PCBP3: variants seen among roughly 807,000 people sequenced by gnomAD.
The protein encoded by PCBP3 is poly(rC)-binding protein 3.
In PCBP3, 25 loss-of-function variants were observed where a neutral mutation model predicts 52.7. That is an observed-to-expected ratio of 0.47 (90% confidence interval 0.35 to 0.66). The LOEUF (loss-of-function observed/expected upper bound fraction) is 0.66, where lower values mean the gene tolerates loss of function less well. PCBP3 is among the 30% of genes least tolerant of loss of function. The pLI is 0.01. For missense variants in PCBP3, 391 were observed against 490.3 expected (o/e 0.80, Z 1.91); for synonymous variants, 162 against 183.0 (o/e 0.89, Z 0.93).
intron 2 of PCBP3, among the ~76,000 whole-genome samples, chr21:45,716,804 T>G (rs1375858951): frequency 1.3e-5 from 2 of 152,310 alleles, no homozygotes; most frequent in African/African-American, 4.8e-5. Flanking sequence ...GTGAGTCTTC[T>G]GACTTTGTTT....
At chr21:45,795,252 T>C (rs1459304438) in intron 4 of PCBP3, among the ~76,000 whole-genome samples, 4 of 151,594 alleles carry the variant, frequency 2.6e-5, no homozygotes, top group African/African-American at 9.7e-5. Context: ...GGAATTTGAA[T>C]AGCATTCATA....
intron 4 of PCBP3, among the ~76,000 whole-genome samples, chr21:45,790,171 G>A (rs528004535): frequency 6.6e-6 from 1 of 152,100 alleles, no homozygotes. Context: ...TCTCTCAGGG[G>A]ATCCAGTGGG....
intron 13 of PCBP3, 98 bp from the exon 14 acceptor site, chr21:45,929,815 TTCTA>T (rs996193098): frequency 1.3e-5 from 11 of 856,924 alleles, no homozygotes; most frequent in Non-Finnish European, 2.2e-5. Context: ...ATGGCCCTCT[TTCTA>T]TCTATCTGTG....
chr21:45,731,463 C>T (rs60915172), intron 2 of PCBP3, among the ~76,000 whole-genome samples: 3 of 152,218 alleles, frequency 2.0e-5, no homozygotes, highest in East Asian at 1.9e-4. Context: ...CTTCTCTGGG[C>T]GGAGTTTTTA....
intron 13 of PCBP3, among the ~76,000 whole-genome samples, chr21:45,921,915 G>A (rs993399090): frequency 5.9e-5 from 9 of 152,184 alleles, no homozygotes; most frequent in African/African-American, 2.2e-4. Flanking sequence ...CCTCCTCGAG[G>A]CTTACTGTGC....
In PCBP3 at chr21:45,829,082, G is replaced by A. The variant is rs180949466; in HGVS notation, c.-125-20879G>A. ...TGGAAAGAGCTAGTGTAGGAGCTGGGACAGGGATGGAAGGGCCATTGGCCG... is the reference window on the plus strand; with the variant it reads ...TGGAAAGAGCTAGTGTAGGAGCTGGAACAGGGATGGAAGGGCCATTGGCCG... On this transcript the variant is annotated intron_variant, in intron 4 of 17. Transcript: ENST00000681687. The surrounding 1 kb of genome is among the most constrained non-coding windows in gnomAD (Gnocchi z 5.2). The A allele has an allele frequency of 4.5e-4, 68 of 152,516 alleles. No individual in the cohort carries two copies. The highest frequency in any genetic ancestry group is 1.6e-3 in the African/African-American group (67 of 41,578). 9.4% of individuals were successfully genotyped at this position (152,516 alleles called of 1,614,324 possible).
At chr21:45,766,434 G>GCA (rs2089330148) in intron 4 of PCBP3, among the ~76,000 whole-genome samples, 7 of 152,172 alleles carry the variant, frequency 4.6e-5, no homozygotes, top group African/African-American at 1.7e-4. Flanking sequence ...TGCGAGAGCT[G>GCA]TCTCTCTCTC....
chr21:45,658,321 T>C (rs1441329196), intron 1 of PCBP3, among the ~76,000 whole-genome samples: 2 of 152,214 alleles, frequency 1.3e-5, no homozygotes, highest in East Asian at 1.9e-4. Flanking sequence ...GAGGATTTTT[T>C]GAGATGGAGT....
At chr21:45,692,404 AAAAG>A (rs2082538841) in intron 2 of PCBP3, among the ~76,000 whole-genome samples, 1 of 152,144 alleles carries the variant, frequency 6.6e-6, no homozygotes, top group South Asian at 2.1e-4. Flanking sequence ...GATAAAAAAA[AAAAG>A]AAGGCACAAA....
At chr21:45,804,721 T>C (rs2839001) in intron 4 of PCBP3, among the ~76,000 whole-genome samples, 38,852 of 151,906 alleles carry the variant, frequency 0.26, 5,143 homozygotes, top group Middle Eastern at 0.42. Context: ...ACTTGGGTTG[T>C]AGTGTTGGCC....
At position 45,682,983 on chromosome 21, in the gene PCBP3, G is replaced by C. The variant is rs1203008746; in HGVS notation, c.-200+14031G>C. ...AAGAGTACCAAGAACCTAACCCTGG[G>C]TTTTCCAGTGAGGCCTGGGATAGGG... On this transcript the variant is annotated intron_variant, in intron 2 of 17. Transcript: ENST00000681687. Among the ~76,000 whole-genome samples the C allele has an allele frequency of 3.3e-5, 5 of 152,218 alleles. No homozygotes were observed. The East Asian group carries it at 5.8e-4, about 18-fold the overall frequency.
intron 2 of PCBP3, among the ~76,000 whole-genome samples, chr21:45,694,898 C>CTAAAA (rs1473213498): frequency 6.6e-6 from 1 of 152,144 alleles, no homozygotes; most frequent in African/African-American, 2.4e-5. Context: ...CTCTTTGAAA[C>CTAAAA]TAAAACACCA....
chr21:45,896,426 C>G (rs528614711), intron 6 of PCBP3, 64 bp downstream of exon 6: 1 of 1,448,840 alleles, frequency 6.9e-7, no homozygotes, highest in African/African-American at 1.4e-5. Flanking sequence ...CAGAGATGCA[C>G]TGCCCGGGCC....
chr21:45,707,914 A>G (rs1696625161), intron 2 of PCBP3, among the ~76,000 whole-genome samples: 1 of 152,212 alleles, frequency 6.6e-6, no homozygotes, highest in African/African-American at 2.4e-5. Flanking sequence ...TTGACTGCAC[A>G]TGTAGCCCCA....
rs773448857 is a variant in PCBP3 at position 45,724,306 on chromosome 21, C to T, written c.-199-11086C>T. On this transcript the variant is annotated intron_variant, in intron 2 of 17. Coordinates refer to ENST00000681687, the MANE Select transcript of PCBP3 (RefSeq NM_001384156.1). The surrounding 1 kb of genome is among the most constrained non-coding windows in gnomAD (Gnocchi z 5.3). The stretch of plus-strand genomic sequence containing the variant: ...AGGGGTGTCCAGCTGTGACCCACCC[C>T]GCCCCCTCCCGGTGTTACCCTGAGT... Among the ~76,000 whole-genome samples the T allele has an allele frequency of 1.4e-4, 21 of 152,192 alleles. No individual in the cohort carries two copies. Among genetic ancestry groups the T allele is most frequent in the Admixed American group, 1.0e-3 (16 of 15,284 alleles).
At chr21:45,806,019 A>G (rs931757148) in intron 4 of PCBP3, among the ~76,000 whole-genome samples, 2 of 152,204 alleles carry the variant, frequency 1.3e-5, no homozygotes, top group Non-Finnish European at 1.5e-5. Context: ...AGGGCGGTCC[A>G]CACGAATGTC....
At position 45,741,194 on chromosome 21, in the gene PCBP3, A is replaced by T. The variant is rs574955284; in HGVS notation, c.-162+5765A>T. Among the ~76,000 whole-genome samples, 18 of 152,276 alleles carry T rather than the reference A, an allele frequency of 1.2e-4. No homozygotes were observed. Among genetic ancestry groups the T allele is most frequent in the Admixed American group, 9.2e-4 (14 of 15,300 alleles). ...GGGGCGTGGCTCCAAGAAGGGCTGGAGGGTGATGTCGGGATGAGTGGGTCT... is the reference window on the plus strand; with the variant it reads ...GGGGCGTGGCTCCAAGAAGGGCTGGTGGGTGATGTCGGGATGAGTGGGTCT... On this transcript the variant is annotated intron_variant, in intron 3 of 17. Coordinates refer to ENST00000681687, the MANE Select transcript of PCBP3 (RefSeq NM_001384156.1). This position sits in a 1 kb window ranked among gnomAD's most constrained non-coding sequence, Gnocchi z 4.5.
rs570107390 is a variant in PCBP3 at position 45,648,493 on chromosome 21, C to T, written c.-279+4625C>T. Reference sequence around the variant, plus strand: ...CACAGCCTATACCACTCCCAATTGCCGTGTCCCACTGGGTCATCTTTCCTC... The same window carrying T: ...CACAGCCTATACCACTCCCAATTGCTGTGTCCCACTGGGTCATCTTTCCTC... On this transcript the variant is annotated intron_variant, in intron 1 of 17. Coordinates refer to ENST00000681687, the MANE Select transcript of PCBP3 (RefSeq NM_001384156.1). Among the ~76,000 whole-genome samples, 504 of 152,318 alleles carry T rather than the reference C, an allele frequency of 3.3e-3. 3 individuals are homozygous for T. The highest frequency in any genetic ancestry group is 4.2e-3 in the Non-Finnish European group (289 of 68,034).
intron 5 of PCBP3, among the ~76,000 whole-genome samples, chr21:45,884,306 G>T (rs749717058): frequency 7.2e-5 from 11 of 152,100 alleles, no homozygotes; most frequent in Non-Finnish European, 1.6e-4. Context: ...CTGTGAGTCA[G>T]TGTACATTTT....
Sources: allele counts gnomAD v4.1 joint callset (sites outside exome capture counted in the v4.1 genomes callset), GRCh38; gene constraint gnomAD v4.1.1; non-coding constraint Gnocchi (gnomAD v3.1); transcripts MANE v1.5; gene names NCBI Gene and HGNC (gene_info 2026-07-23, HGNC 2026-07-21).